CEP112: variants seen among roughly 807,000 people sequenced by gnomAD.
CEP112 encodes the protein centrosomal protein of 112 kDa.
A neutral mutation model predicts 153.0 loss-of-function variants in CEP112; 127 were observed. The ratio of observed to expected loss-of-function variants is 0.83; its 90% CI spans 0.72 to 0.96. The LOEUF (loss-of-function observed/expected upper bound fraction) is 0.96. Among genes scored for constraint, CEP112 ranks in the 40% least tolerant of loss-of-function variants. The pLI is 0.00. For missense variants in CEP112, 1,089 were observed against 1,101.2 expected (o/e 0.99, Z 0.16); for synonymous variants, 358 against 374.4 (o/e 0.96, Z 0.51).
At chr17:65,814,047 C>A (rs2056132528) in intron 21 of CEP112, among the ~76,000 whole-genome samples, 1 of 152,152 alleles carries the variant, frequency 6.6e-6, no homozygotes. Context: ...ATATCCTCTA[C>A]AGGTGCCCTT....
intron 19 of CEP112, among the ~76,000 whole-genome samples, chr17:65,924,561 A>G (rs2060853357): frequency 6.6e-6 from 1 of 152,184 alleles, no homozygotes; most frequent in African/African-American, 2.4e-5. Context: ...ATAAAATGGT[A>G]AAGATCATCT....
At chr17:65,689,479 C>G (rs1344283558) in intron 23 of CEP112, among the ~76,000 whole-genome samples, 1 of 152,102 alleles carries the variant, frequency 6.6e-6, no homozygotes, top group African/African-American at 2.4e-5. Context: ...CTCATATTCC[C>G]AGCACAGAAC....
intron 3 of CEP112, 38 bp from the exon 4 acceptor site, chr17:66,175,254 T>C: frequency 6.9e-7 from 1 of 1,440,508 alleles, no homozygotes; most frequent in Non-Finnish European, 9.2e-7. Flanking sequence ...TCTTTCAAAA[T>C]GTACTATAAT....
At chr17:65,965,263 T>G (rs1023507364) in intron 17 of CEP112, among the ~76,000 whole-genome samples, 2 of 152,206 alleles carry the variant, frequency 1.3e-5, no homozygotes, top group Non-Finnish European at 2.9e-5. Context: ...ATGAAAACCT[T>G]GCACAATAAG....
At chr17:66,155,380 T>C (rs1021330590) in intron 4 of CEP112, among the ~76,000 whole-genome samples, 2 of 152,078 alleles carry the variant, frequency 1.3e-5, no homozygotes, top group Non-Finnish European at 2.9e-5. Context: ...ACTTTTCCCA[T>C]GGTCTTCACA....
rs777326885 is a variant in CEP112 at position 65,659,015 on chromosome 17, C to CA, written c.2698-17951dup. ...TGGGTGACAGAGCGAGACTCTGTCT[C>CA]AAAAAAAAAAAAAAAAAAAAAAAAA... On this transcript the variant is annotated intron_variant, in intron 24 of 26. Transcript: ENST00000535342. Among the ~76,000 whole-genome samples the CA allele has an allele frequency of 9.8e-3, 546 of 55,438 alleles. 38 individuals carry two copies. Among genetic ancestry groups the CA allele is most frequent in the Middle Eastern group, 0.032 (2 of 62 alleles). The allele number at this position is 55,438 out of a possible 152,430, so 36.4% of individuals were successfully genotyped here.
At chr17:66,165,213 G>C (rs576957222) in intron 4 of CEP112, among the ~76,000 whole-genome samples, 1 of 148,160 alleles carries the variant, frequency 6.7e-6, no homozygotes, top group African/African-American at 2.5e-5. Flanking sequence ...CAGAAGATTC[G>C]GATCTGGTAC....
chr17:65,961,337 G>A (rs781197592), intron 18 of CEP112, 126 bp downstream of exon 18: 211 of 892,508 alleles, frequency 2.4e-4, no homozygotes, highest in Admixed American at 5.7e-4. Flanking sequence ...TCTCTGACCC[G>A]ATTGTATGGC....
intron 16 of CEP112, among the ~76,000 whole-genome samples, chr17:66,007,015 G>C (rs2064304633): frequency 6.6e-6 from 1 of 152,294 alleles, no homozygotes; most frequent in Admixed American, 6.5e-5. Context: ...TTTAAATGGA[G>C]ACCTATTTAA....
intron 6 of CEP112, among the ~76,000 whole-genome samples, chr17:66,112,478 T>C (rs2069101745): frequency 6.6e-6 from 1 of 152,176 alleles, no homozygotes; most frequent in Admixed American, 6.5e-5. Context: ...GGTGATATTT[T>C]ACAATTTTAT....
At chr17:65,905,553 GA>G (rs1318582260) in intron 19 of CEP112, among the ~76,000 whole-genome samples, 1 of 152,168 alleles carries the variant, frequency 6.6e-6, no homozygotes, top group East Asian at 1.9e-4. Context: ...AATTCCTCAA[GA>G]ATCTAGAAAC....
At chr17:65,934,734 G>A (rs2061246425) in intron 18 of CEP112, among the ~76,000 whole-genome samples, 1 of 152,202 alleles carries the variant, frequency 6.6e-6, no homozygotes, top group Non-Finnish European at 1.5e-5. Context: ...AGCAAGGGTA[G>A]ATATATTTAA....
At chr17:66,096,149 C>A in intron 8 of CEP112, 102 bp downstream of exon 8, 1 of 758,444 alleles carries the variant, frequency 1.3e-6, no homozygotes, top group East Asian at 2.6e-5. Flanking sequence ...GCAACCTCTT[C>A]CTAGAATATA....
At position 65,950,179 on chromosome 17, in the gene CEP112, T is replaced by G. The variant is rs534591051; in HGVS notation, c.1872+11284A>C. On this transcript the variant is annotated intron_variant, in intron 18 of 26. Transcript: ENST00000535342. ...GCCTTCATGAATTTCTATCTATGTG[T>G]TAGGTGGAAAATAGCTTATTGCTGT... Among the ~76,000 whole-genome samples, 3 of 152,262 alleles carry G rather than the reference T, an allele frequency of 2.0e-5. No homozygotes were observed. In the South Asian group the frequency reaches 6.2e-4, roughly 32 times the overall value.
chr17:65,898,146 A>G (rs1363605822), intron 20 of CEP112, among the ~76,000 whole-genome samples: 3 of 152,118 alleles, frequency 2.0e-5, no homozygotes, highest in Non-Finnish European at 4.4e-5. Flanking sequence ...GATCCTTTTG[A>G]TAGTAGCTGG....
chr17:65,815,029 T>C (rs1361635446), intron 21 of CEP112, among the ~76,000 whole-genome samples: 2 of 152,192 alleles, frequency 1.3e-5, no homozygotes, highest in African/African-American at 4.8e-5. Context: ...GTTTTATTTC[T>C]GATGATTTCT....
chr17:65,971,169 A>G (rs1353917669), intron 17 of CEP112, among the ~76,000 whole-genome samples: 4 of 55,028 alleles, frequency 7.3e-5, no homozygotes, highest in Non-Finnish European at 1.7e-4. Context: ...CATTACATGT[A>G]CAGCACATGT....
intron 24 of CEP112, among the ~76,000 whole-genome samples, chr17:65,642,095 G>A (rs908781917): frequency 6.6e-6 from 1 of 152,240 alleles, no homozygotes; most frequent in African/African-American, 2.4e-5. Context: ...GCAGGATGAA[G>A]ATGTGCATGG....
intron 17 of CEP112, among the ~76,000 whole-genome samples, chr17:65,977,029 G>T (rs1407293824): frequency 6.6e-6 from 1 of 152,038 alleles, no homozygotes; most frequent in Non-Finnish European, 1.5e-5. Flanking sequence ...TGAGCCACCA[G>T]GCCCGGCCAC....
Sources: gnomAD v4.1 joint callset for allele counts (sites outside exome capture counted in the v4.1 genomes callset) on GRCh38, gnomAD v4.1.1 for gene constraint, MANE v1.5 for transcripts, NCBI Gene and HGNC (gene_info 2026-07-23, HGNC 2026-07-21) for gene names.